PTPRN2: variants seen among roughly 807,000 people sequenced by gnomAD.
The protein encoded by PTPRN2 is protein tyrosine phosphatase receptor type N2.
PTPRN2 carries 74 observed loss-of-function variants against 118.8 expected under a neutral mutation model. That is an observed-to-expected ratio of 0.62 (90% CI 0.52 to 0.76). The LOEUF (loss-of-function observed/expected upper bound fraction) is 0.76, where lower values mean the gene tolerates loss of function less well. PTPRN2 is among the 30% of genes least tolerant of loss of function. PTPRN2 has a pLI of 0.00. For missense variants in PTPRN2, 1,481 were observed against 1,394.4 expected, an observed-to-expected ratio of 1.06 and a Z score of -0.99; for synonymous variants, 641 against 608.0, an observed-to-expected ratio of 1.05 and a Z score of -0.80.
At chr7:158,061,786 GA>G (rs1810369653) in intron 11 of PTPRN2, among the ~76,000 whole-genome samples, 1 of 152,240 alleles carries the variant, frequency 6.6e-6, no homozygotes, top group Admixed American at 6.5e-5. Flanking sequence ...AAAGCATCAA[GA>G]TGAAACATCA....
intron 12 of PTPRN2, among the ~76,000 whole-genome samples, chr7:157,721,250 C>T (rs1220913687): frequency 6.6e-6 from 1 of 152,206 alleles, no homozygotes; most frequent in Non-Finnish European, 1.5e-5. Flanking sequence ...CTGGGTGCTG[C>T]ATCCACAAGG....
Position 158,070,681 on chromosome 7 carries a change from C to T in PTPRN2, c.1723+10617G>A, listed in dbSNP as rs374611882. ...AGGTGCTCCTGGTGGTGGAGGTGCC[C>T]GTGGTGGCGGAGGTGCCCCTGGTGG... On this transcript the variant is annotated intron_variant, in intron 11 of 22. Coordinates refer to ENST00000389418, the MANE Select transcript of PTPRN2 (RefSeq NM_002847.5). Among the ~76,000 whole-genome samples the T allele has an allele frequency of 3.2e-4, 24 of 75,584 alleles. No homozygotes were observed. The East Asian group carries it at 3.6e-3, about 11-fold the overall frequency. 49.6% of individuals were successfully genotyped at this position (75,584 alleles called of 152,430 possible).
intron 3 of PTPRN2, among the ~76,000 whole-genome samples, chr7:158,233,081 T>A (rs780419233): frequency 5.3e-5 from 8 of 152,088 alleles, no homozygotes; most frequent in Admixed American, 2.6e-4. Context: ...ACCACAGCAA[T>A]TAGGCAAGAG....
chr7:158,333,678 C>T (rs1263357246), intron 2 of PTPRN2, among the ~76,000 whole-genome samples: 3 of 151,062 alleles, frequency 2.0e-5, no homozygotes, highest in Admixed American at 6.6e-5. Flanking sequence ...CACCCACAGA[C>T]ATCACTCACA....
chr7:158,126,788 G>C (rs912515420), intron 9 of PTPRN2, among the ~76,000 whole-genome samples: 1 of 152,192 alleles, frequency 6.6e-6, no homozygotes, highest in African/African-American at 2.4e-5. Context: ...AGGGGCTGGG[G>C]GAACCTGCAG....
intron 2 of PTPRN2, among the ~76,000 whole-genome samples, chr7:158,459,730 C>G (rs556215528): frequency 6.6e-6 from 1 of 152,192 alleles, no homozygotes; most frequent in African/African-American, 2.4e-5. Flanking sequence ...AAGAGGCAAC[C>G]GAGAAACCCA....
chr7:157,807,747 C>T (rs1805722623), intron 12 of PTPRN2, among the ~76,000 whole-genome samples: 1 of 152,214 alleles, frequency 6.6e-6, no homozygotes, highest in Non-Finnish European at 1.5e-5. Flanking sequence ...CCTGCAAATG[C>T]CTGGCCTCCT....
intron 6 of PTPRN2, among the ~76,000 whole-genome samples, chr7:158,153,391 C>A (rs750598888): frequency 6.6e-6 from 1 of 152,172 alleles, no homozygotes; most frequent in Admixed American, 6.5e-5. Flanking sequence ...CACCTATAGA[C>A]GGCAAAATTA....
intron 8 of PTPRN2, among the ~76,000 whole-genome samples, chr7:158,135,946 T>C (rs1402295015): frequency 6.6e-6 from 1 of 152,230 alleles, no homozygotes; most frequent in Non-Finnish European, 1.5e-5. Flanking sequence ...GGCCTTGTAT[T>C]CACGACCAAA....
rs373214131 is a variant in PTPRN2 at position 157,553,651 on chromosome 7, G to A, written c.2903-4632C>T. ...GGCGGAAATACAAAATGACACGGGA[G>A]CGTGCCTCCGAGTCGCGCTGAGCCC... On this transcript the variant is annotated intron_variant, in intron 21 of 22. Transcript: ENST00000389418. 2.1e-3 allele frequency among the ~76,000 whole-genome samples: 325 copies of A among 152,322 alleles called. 3 individuals are homozygous for A. The highest frequency in any genetic ancestry group is 7.6e-3 in the African/African-American group (316 of 41,574).
At chr7:158,247,612 G>C (rs1327492899) in intron 3 of PTPRN2, among the ~76,000 whole-genome samples, 2 of 145,602 alleles carry the variant, frequency 1.4e-5, no homozygotes, top group Non-Finnish European at 3.0e-5. Context: ...GGTGTCTGCG[G>C]TTTTTTTGTT....
rs117450013 is a variant in PTPRN2, at chr7:158,530,666, A to G, written c.113-40881T>C. Among the ~76,000 whole-genome samples, 160 of 152,332 alleles carry G rather than the reference A, an allele frequency of 1.1e-3. 2 individuals carry two copies. In the East Asian group the frequency reaches 0.024, roughly 23 times the overall value. On this transcript the variant is annotated intron_variant, in intron 1 of 22. Transcript: ENST00000389418. ...ATATATGTGTGCCCATGTGAGGTGT[A>G]TGTGTGCAGGTTTACACTAACATAT...
In PTPRN2 at chr7:157,764,619, G is replaced by C. The variant is rs1270723741; in HGVS notation, c.1789-81682C>G. ...GACAGACTTCCAGTGTGGAAAGATG[G>C]AAAGAGTTTTAGAAGCAGATAGTGA... On this transcript the variant is annotated intron_variant, in intron 12 of 22. Transcript: ENST00000389418. The surrounding 1 kb of genome is among the most constrained non-coding windows in gnomAD (Gnocchi z 4.5). 2.6e-5 allele frequency among the ~76,000 whole-genome samples: 4 copies of C among 152,172 alleles called. No homozygotes were observed. Among genetic ancestry groups the C allele is most frequent in the Non-Finnish European group, 4.4e-5 (3 of 68,024 alleles).
intron 12 of PTPRN2, among the ~76,000 whole-genome samples, chr7:157,770,643 C>G (rs1358936623): frequency 1.3e-5 from 2 of 152,214 alleles, no homozygotes; most frequent in African/African-American, 4.8e-5. Flanking sequence ...CAGAGCAGAT[C>G]TGAAAAAAGC....
intron 11 of PTPRN2, among the ~76,000 whole-genome samples, chr7:158,033,634 C>T (rs1807855477): frequency 6.6e-6 from 1 of 152,212 alleles, no homozygotes; most frequent in African/African-American, 2.4e-5. Context: ...CAATCCCTCA[C>T]ACCAATGTAA....
At chr7:158,360,001 C>T (rs1262362844) in intron 2 of PTPRN2, among the ~76,000 whole-genome samples, 4 of 152,108 alleles carry the variant, frequency 2.6e-5, no homozygotes, top group African/African-American at 7.2e-5. Flanking sequence ...GGGACACGGA[C>T]GCTGCATCCT....
intron 1 of PTPRN2, among the ~76,000 whole-genome samples, chr7:158,519,863 C>A (rs528219024): frequency 6.6e-6 from 1 of 152,212 alleles, no homozygotes. Flanking sequence ...AACGCCAGCA[C>A]GGTCACACTC....
intron 11 of PTPRN2, chr7:158,028,618 TG>T (rs1807454583): frequency 6.6e-6 from 1 of 152,340 alleles, no homozygotes; most frequent in Non-Finnish European, 1.5e-5. Context: ...CGGACTCCAC[TG>T]ACCAACCGAC....
intron 12 of PTPRN2, among the ~76,000 whole-genome samples, chr7:157,878,943 T>G (rs111369074): frequency 2.3e-4 from 21 of 91,560 alleles, no homozygotes; most frequent in South Asian, 7.7e-4. Flanking sequence ...CCGTGGGGCT[T>G]GACGGGTCAG....
Sources: gnomAD v4.1 joint callset for allele counts (sites outside exome capture counted in the v4.1 genomes callset) on GRCh38, gnomAD v4.1.1 for gene constraint, Gnocchi (gnomAD v3.1) non-coding constraint, MANE v1.5 for transcripts, NCBI Gene and HGNC (gene_info 2026-07-23, HGNC 2026-07-21) for gene names.